Variants in RABGAP1L observed in about 807,000 individuals in gnomAD.
RABGAP1L encodes the protein RAB GTPase activating protein 1 like.
RABGAP1L carries 63 observed loss-of-function variants against 137.7 expected under a neutral mutation model. That is an observed-to-expected ratio of 0.46 (90% CI 0.37 to 0.56). RABGAP1L has a LOEUF of 0.56. Among genes scored for constraint, RABGAP1L ranks in the 20% least tolerant of loss-of-function variants. RABGAP1L has a pLI of 0.00. For missense variants in RABGAP1L, 1,095 were observed against 1,244.0 expected (o/e 0.88, Z 1.80); for synonymous variants, 431 against 433.7 (o/e 0.99, Z 0.08).
chr1:174,243,429 TG>T (rs1671993413), intron 5 of RABGAP1L, among the ~76,000 whole-genome samples: 1 of 152,216 alleles, frequency 6.6e-6, no homozygotes, highest in Non-Finnish European at 1.5e-5. Flanking sequence ...TATTACATTA[TG>T]GGGGCATTAG....
At chr1:174,502,750 G>A (rs1661440033) in intron 13 of RABGAP1L, among the ~76,000 whole-genome samples, 1 of 151,058 alleles carries the variant, frequency 6.6e-6, no homozygotes, top group African/African-American at 2.4e-5. Context: ...TTATATTCCA[G>A]AATATTCCAG....
chr1:174,966,225 G>A (rs898099116), intron 20 of RABGAP1L, among the ~76,000 whole-genome samples: 1 of 152,172 alleles, frequency 6.6e-6, no homozygotes, highest in Non-Finnish European at 1.5e-5. Flanking sequence ...CATAATAGTC[G>A]AGGGAGCTTT....
At chr1:174,393,440 G>A (rs958824465) in intron 12 of RABGAP1L, among the ~76,000 whole-genome samples, 15 of 152,272 alleles carry the variant, frequency 9.9e-5, no homozygotes, top group Admixed American at 8.5e-4. Context: ...TCAGGATGTG[G>A]CCGCCAGGTA....
Position 174,347,496 on chromosome 1 carries a change from TGTG to T in RABGAP1L, c.1466-23482_1466-23480del, listed in dbSNP as rs373783741. Among the ~76,000 whole-genome samples, 636 of 148,990 alleles carry T rather than the reference TGTG, an allele frequency of 4.3e-3. 3 individuals carry two copies. Among genetic ancestry groups the T allele is most frequent in the South Asian group, 0.024 (115 of 4,702 alleles). ...TTGTGTGTGTGTGTGTGTGTGTGTGTGTGTTTTTTTCTTTGAGACTGAGTCTTG... is the reference window on the plus strand; with the variant it reads ...TTGTGTGTGTGTGTGTGTGTGTGTGTTTTTTTTCTTTGAGACTGAGTCTTG... On this transcript the variant is annotated intron_variant, in intron 11 of 25. Coordinates refer to ENST00000681986, the MANE Select transcript of RABGAP1L (RefSeq NM_001366446.1).
At chr1:174,422,865 T>C (rs985460278) in intron 13 of RABGAP1L, among the ~76,000 whole-genome samples, 3 of 149,868 alleles carry the variant, frequency 2.0e-5, no homozygotes, top group Non-Finnish European at 4.4e-5. Flanking sequence ...GAGAATCGCT[T>C]GAACCCCGGA....
At chr1:174,295,552 T>G (rs1312921053) in intron 10 of RABGAP1L, among the ~76,000 whole-genome samples, 2 of 151,806 alleles carry the variant, frequency 1.3e-5, no homozygotes, top group Non-Finnish European at 2.9e-5. Context: ...CTGGCTAATT[T>G]TTTTTGTATT....
chr1:174,869,500 G>A (rs1651840324), intron 19 of RABGAP1L, among the ~76,000 whole-genome samples: 1 of 152,058 alleles, frequency 6.6e-6, no homozygotes, highest in Non-Finnish European at 1.5e-5. Context: ...GTTTCCCAAG[G>A]CCTCTCCAGC....
chr1:174,270,440 T>C (rs1266782911), intron 7 of RABGAP1L, among the ~76,000 whole-genome samples: 1 of 152,078 alleles, frequency 6.6e-6, no homozygotes, highest in East Asian at 1.9e-4. Context: ...TTACAAAAGG[T>C]AGGAGGGTGG....
intron 24 of RABGAP1L, among the ~76,000 whole-genome samples, chr1:174,984,349 A>G (rs950567621): frequency 2.0e-5 from 3 of 152,232 alleles, no homozygotes; most frequent in Non-Finnish European, 2.9e-5. Flanking sequence ...TTAGACTGCC[A>G]TTTTGTTATA....
intron 15 of RABGAP1L, among the ~76,000 whole-genome samples, chr1:174,690,116 A>G (rs1572821072): frequency 6.6e-6 from 1 of 151,920 alleles, no homozygotes; most frequent in Admixed American, 6.6e-5. Context: ...TTTAACTACT[A>G]TCTTATGTCT....
At chr1:174,487,424 G>T (rs985153501) in intron 13 of RABGAP1L, among the ~76,000 whole-genome samples, 1 of 151,902 alleles carries the variant, frequency 6.6e-6, no homozygotes, top group Non-Finnish European at 1.5e-5. Context: ...AATCTATTTT[G>T]TCTATTAGAA....
chr1:174,265,544 GA>G (rs1048423205), intron 7 of RABGAP1L, among the ~76,000 whole-genome samples: 1,857 of 104,050 alleles, frequency 0.018, 39 homozygotes, highest in African/African-American at 0.057. Context: ...AGCCTGTCTT[GA>G]AAAAAAAAAA....
chr1:174,812,821 C>G (rs1690008664), intron 19 of RABGAP1L, among the ~76,000 whole-genome samples: 1 of 152,058 alleles, frequency 6.6e-6, no homozygotes, highest in Admixed American at 6.6e-5. Context: ...CAATGTGGAC[C>G]TCACTGAGTC....
chr1:174,623,338 C>T lies in RABGAP1L; in HGVS notation c.1711-14037C>T, dbSNP rs529290179. 3.3e-5 allele frequency among the ~76,000 whole-genome samples: 5 copies of T among 152,290 alleles called. No individual in the cohort carries two copies. The South Asian group carries it at 1.0e-3, about 32-fold the overall frequency. On this transcript the variant is annotated intron_variant, in intron 13 of 25. Coordinates refer to ENST00000681986, the MANE Select transcript of RABGAP1L (RefSeq NM_001366446.1). ...AACCAACAGCAAGTTAGGGAGAACA[C>T]AATCCACACTGCCCTCAGTTCTGAC...
intron 13 of RABGAP1L, among the ~76,000 whole-genome samples, chr1:174,518,390 C>T (rs1370894143): frequency 6.6e-6 from 1 of 152,146 alleles, no homozygotes; most frequent in Admixed American, 6.6e-5. Flanking sequence ...CTACACACAT[C>T]CTCCTGTATA....
intron 13 of RABGAP1L, among the ~76,000 whole-genome samples, chr1:174,614,973 A>G (rs1270146351): frequency 6.6e-6 from 1 of 151,956 alleles, no homozygotes; most frequent in Non-Finnish European, 1.5e-5. Flanking sequence ...CTAGTTATAC[A>G]TTTGTCTAAA....
At chr1:174,193,331 A>G (rs1312899513) in intron 1 of RABGAP1L, among the ~76,000 whole-genome samples, 4 of 152,236 alleles carry the variant, frequency 2.6e-5, no homozygotes, top group Non-Finnish European at 5.9e-5. Flanking sequence ...CAGGAGTTCA[A>G]GACCACCCTT....
intron 11 of RABGAP1L, among the ~76,000 whole-genome samples, chr1:174,333,422 T>G (rs1453479826): frequency 6.6e-6 from 1 of 152,208 alleles, no homozygotes; most frequent in African/African-American, 2.4e-5. Context: ...AACATCACAT[T>G]GTACTCCATA....
intron 13 of RABGAP1L, among the ~76,000 whole-genome samples, chr1:174,600,792 C>G (rs981798427): frequency 3.9e-5 from 6 of 152,216 alleles, no homozygotes; most frequent in African/African-American, 1.4e-4. Context: ...CTTTTCCAGG[C>G]ACATGGTGCA....
Sources: allele counts gnomAD v4.1 joint callset (sites outside exome capture counted in the v4.1 genomes callset), GRCh38; gene constraint gnomAD v4.1.1; transcripts MANE v1.5; gene names NCBI Gene and HGNC (gene_info 2026-07-23, HGNC 2026-07-21).